TAX1BP1: variants seen among roughly 807,000 people sequenced by gnomAD.
TAX1BP1 encodes the protein Tax1 binding protein 1, also known as tax1-binding protein 1.
Under a neutral mutation model 97.7 loss-of-function variants are expected in TAX1BP1, and 62 were observed. The observed-to-expected ratio is 0.63, with a 90% CI of 0.52 to 0.78. The LOEUF (loss-of-function observed/expected upper bound fraction) is 0.78. TAX1BP1 is among the 30% of genes least tolerant of loss of function. The pLI is 0.00. For synonymous variants in TAX1BP1, 340 were observed against 304.2 expected (o/e 1.12, Z -1.23); for missense variants, 867 against 916.1 (o/e 0.95, Z 0.69).
At chr7:27,815,661 T>C (rs1790738526) in intron 13 of TAX1BP1, among the ~76,000 whole-genome samples, 1 of 152,240 alleles carries the variant, frequency 6.6e-6, no homozygotes, top group Non-Finnish European at 1.5e-5. Context: ...GAAATGTTTC[T>C]TTGTGTTTTG....
At chr7:27,758,494 A>T (rs947351939) in intron 3 of TAX1BP1, 1 of 157,094 alleles carries the variant, frequency 6.4e-6, no homozygotes, top group African/African-American at 2.4e-5. Flanking sequence ...GATGCAAACC[A>T]CAAACATGAT....
chr7:27,812,500 G>T (rs977327136), intron 13 of TAX1BP1, among the ~76,000 whole-genome samples: 2 of 152,040 alleles, frequency 1.3e-5, no homozygotes, highest in Non-Finnish European at 2.9e-5. Flanking sequence ...AGGTAGTCCA[G>T]TTTATCAGTA....
chr7:27,753,134 T>C (rs1163110027), intron 2 of TAX1BP1, among the ~76,000 whole-genome samples: 1 of 152,168 alleles, frequency 6.6e-6, no homozygotes, highest in Non-Finnish European at 1.5e-5. Flanking sequence ...ACCCTGTCTC[T>C]ACTAAAAATA....
intron 1 of TAX1BP1, among the ~76,000 whole-genome samples, chr7:27,740,893 C>T (rs922293741): frequency 1.3e-5 from 2 of 152,202 alleles, no homozygotes; most frequent in Admixed American, 1.3e-4. Flanking sequence ...CCCCACCCCG[C>T]CCCGTTCGCA....
At chr7:27,767,557 C>CT (rs1447059233) in intron 4 of TAX1BP1, among the ~76,000 whole-genome samples, 1 of 152,120 alleles carries the variant, frequency 6.6e-6, no homozygotes, top group African/African-American at 2.4e-5. Context: ...TGTGGTGCAA[C>CT]TGCCTGATGA....
At position 27,816,778 on chromosome 7, in the gene TAX1BP1, A is replaced by G. The variant is rs1009643969; in HGVS notation, c.1937-112A>G. The stretch of plus-strand genomic sequence containing the variant: ...ACCTGGGTTAAAAATAAAAACATCT[A>G]TTTTTTTCACATGCCAAAGTGGTTC... On this transcript the variant is annotated intron_variant, in intron 14 of 16. Transcript: ENST00000396319. The G allele has an allele frequency of 1.1e-5, 15 of 1,348,540 alleles. No individual in the cohort carries two copies. The African/African-American group carries it at 1.2e-4, about 11-fold the overall frequency. 83.5% of individuals were successfully genotyped at this position (1,348,540 alleles called of 1,614,324 possible). A position where few individuals can be genotyped will look rare whatever the true frequency, so the allele number is the denominator to read the frequency against.
intron 13 of TAX1BP1, among the ~76,000 whole-genome samples, chr7:27,801,140 A>AC (rs1477183084): frequency 6.6e-6 from 1 of 151,478 alleles, no homozygotes; most frequent in African/African-American, 2.4e-5. Context: ...GAAAAAAAAA[A>AC]AACAGGCTGT....
chr7:27,781,134 A>G (rs1006701691), intron 5 of TAX1BP1, among the ~76,000 whole-genome samples: 5 of 151,932 alleles, frequency 3.3e-5, no homozygotes, highest in African/African-American at 9.7e-5. Flanking sequence ...CCTCCTCTCC[A>G]CTCCAACCAC....
chr7:27,781,949 C>T (rs1789274559), intron 5 of TAX1BP1, among the ~76,000 whole-genome samples: 1 of 152,050 alleles, frequency 6.6e-6, no homozygotes, highest in Admixed American at 6.6e-5. Context: ...CACCTGACCT[C>T]AGGTGATCTG....
intron 3 of TAX1BP1, among the ~76,000 whole-genome samples, chr7:27,763,902 G>A (rs186400237): frequency 0.011 from 1,627 of 152,348 alleles, 17 homozygotes; most frequent in Non-Finnish European, 0.017. Context: ...CTATTTGGAA[G>A]TTGGTATGAA....
chr7:27,790,230 A>C (rs1583709926), intron 8 of TAX1BP1, among the ~76,000 whole-genome samples: 1 of 152,076 alleles, frequency 6.6e-6, no homozygotes, highest in East Asian at 1.9e-4. Flanking sequence ...GATCTTTTTC[A>C]TTCATCATAA....
chr7:27,742,405 T>A (rs1031499544), intron 1 of TAX1BP1, among the ~76,000 whole-genome samples: 2 of 152,248 alleles, frequency 1.3e-5, no homozygotes, highest in African/African-American at 4.8e-5. Context: ...CAAGCATCTG[T>A]TTAACAGAGC....
At chr7:27,749,137 T>G (rs1787931227) in intron 2 of TAX1BP1, among the ~76,000 whole-genome samples, 1 of 152,236 alleles carries the variant, frequency 6.6e-6, no homozygotes, top group South Asian at 2.1e-4. Flanking sequence ...CTGTTTGTAT[T>G]ACACAGTTTT....
intron 1 of TAX1BP1, 120 bp from the exon 2 acceptor site, chr7:27,748,398 A>G (rs532650831): frequency 8.2e-5 from 52 of 632,390 alleles, no homozygotes; most frequent in Non-Finnish European, 1.2e-4. Flanking sequence ...CAAAGTATAT[A>G]TTTTCTTAAT....
At chr7:27,779,691 G>A (rs1467032106) in intron 5 of TAX1BP1, among the ~76,000 whole-genome samples, 1 of 152,172 alleles carries the variant, frequency 6.6e-6, no homozygotes, top group Admixed American at 6.5e-5. Context: ...ACAGTGTAAA[G>A]TTTTTGTTGT....
In TAX1BP1 at chr7:27,819,913, T is replaced by C. The variant is rs146833540; in HGVS notation, c.2085+2875T>C. Among the ~76,000 whole-genome samples the C allele has an allele frequency of 8.5e-5, 13 of 152,302 alleles. No individual in the cohort carries two copies. In the East Asian group the frequency reaches 2.3e-3, roughly 27 times the overall value. ...TGCCCTAGGTACTTTCATACCTAGT[T>C]CTGCAAACTATGGGTCTAAATCCTT... On this transcript the variant is annotated intron_variant, in intron 15 of 16. Transcript: ENST00000396319.
chr7:27,789,450 T>C (rs1217726588), intron 8 of TAX1BP1, among the ~76,000 whole-genome samples: 1 of 151,990 alleles, frequency 6.6e-6, no homozygotes, highest in Non-Finnish European at 1.5e-5. Context: ...AACATTTTCA[T>C]AAGTTTCTAG....
intron 13 of TAX1BP1, among the ~76,000 whole-genome samples, chr7:27,810,713 G>A (rs531267892): frequency 1.2e-3 from 179 of 152,082 alleles, no homozygotes; most frequent in African/African-American, 4.1e-3. Context: ...TAACTCCTGG[G>A]CTCAGGTGAT....
In TAX1BP1 at chr7:27,753,891, G is replaced by A. The variant is rs184888633; in HGVS notation, c.163-4140G>A. On this transcript the variant is annotated intron_variant, in intron 2 of 16. Coordinates refer to ENST00000396319, the MANE Select transcript of TAX1BP1 (RefSeq NM_006024.7). ...TAAAACCACACAAAGTGAAACCTTA[G>A]ATAAAGGATGACTACTGTAGTAATG... is the stretch of plus-strand genomic sequence containing the variant. Among the ~76,000 whole-genome samples the A allele has an allele frequency of 9.9e-5, 15 of 151,900 alleles. No individual in the cohort carries two copies. In the East Asian group the frequency reaches 2.7e-3, roughly 27 times the overall value.
Sources: allele counts gnomAD v4.1 joint callset (sites outside exome capture counted in the v4.1 genomes callset), GRCh38; gene constraint gnomAD v4.1.1; transcripts MANE v1.5; gene names NCBI Gene and HGNC (gene_info 2026-07-23, HGNC 2026-07-21).